GIT2: variants seen among roughly 807,000 people sequenced by gnomAD.
GIT2 encodes the protein ARF GTPase-activating protein GIT2.
In GIT2, 32 loss-of-function variants were observed where a neutral mutation model predicts 100.3. That is an observed-to-expected ratio of 0.32 (90% confidence interval 0.24 to 0.43). GIT2 has a LOEUF of 0.43. Ranked by LOEUF, GIT2 falls within the 20% of genes least tolerant of loss-of-function variation. GIT2 has a pLI of 1.00. For missense variants in GIT2, 737 were observed against 975.1 expected (o/e 0.76, Z 3.25); for synonymous variants, 353 against 364.1 (o/e 0.97, Z 0.35).
rs573172445 is a variant in GIT2 at position 109,956,390 on chromosome 12, T to C, written c.1100-3156A>G. ...GAAAAGCACACAAATATGACTAACA[T>C]GGCACTAAATAGACCACAGACACTT... On this transcript the variant is annotated intron_variant, in intron 12 of 19. Coordinates refer to ENST00000355312, the MANE Select transcript of GIT2 (RefSeq NM_057169.5). Among the ~76,000 whole-genome samples, 3 of 152,274 alleles carry C rather than the reference T, an allele frequency of 2.0e-5. No homozygotes were observed. The South Asian group carries it at 6.2e-4, about 32-fold the overall frequency.
At chr12:109,968,630 T>G (rs1883071249) in intron 7 of GIT2, among the ~76,000 whole-genome samples, 2 of 151,748 alleles carry the variant, frequency 1.3e-5, no homozygotes, top group African/African-American at 2.4e-5. Flanking sequence ...TCCACGTTGG[T>G]CAGGCTGGTC....
chr12:109,995,637 T>G (rs910974329), intron 1 of GIT2, among the ~76,000 whole-genome samples: 1 of 152,076 alleles, frequency 6.6e-6, no homozygotes, highest in African/African-American at 2.4e-5. Context: ...AAGTGCTGGT[T>G]GTGTTTGGAA....
chr12:109,985,237 G>A (rs556269513), intron 4 of GIT2, among the ~76,000 whole-genome samples: 1 of 152,106 alleles, frequency 6.6e-6, no homozygotes, highest in African/African-American at 2.4e-5. Context: ...CAAGTAGCTA[G>A]TATTACAGGG....
At chr12:109,980,242 CTT>C (rs1886039575) in intron 7 of GIT2, among the ~76,000 whole-genome samples, 1 of 152,012 alleles carries the variant, frequency 6.6e-6, no homozygotes, top group African/African-American at 2.4e-5. Context: ...TTTTAAAAAA[CTT>C]TTTTGTGGAG....
chr12:109,952,885 A>G (rs781297092), intron 13 of GIT2: 7 of 595,238 alleles, frequency 1.2e-5, no homozygotes, highest in African/African-American at 1.9e-5. Context: ...AAACACACCA[A>G]TCACTCCTCA....
chr12:109,989,902 C>G, intron 2 of GIT2, 100 bp from the exon 3 acceptor site: 1 of 715,292 alleles, frequency 1.4e-6, no homozygotes, highest in South Asian at 1.5e-5. Flanking sequence ...GTTATAAACA[C>G]TCATTTGTTA....
intron 11 of GIT2, among the ~76,000 whole-genome samples, chr12:109,960,422 G>T (rs1207909489): frequency 6.6e-6 from 1 of 151,922 alleles, no homozygotes; most frequent in Non-Finnish European, 1.5e-5. Flanking sequence ...TCAGGACTTT[G>T]TACAAAAATT....
At chr12:109,967,412 A>C (rs1882769248) in intron 8 of GIT2, 46 bp downstream of exon 8, 5 of 1,515,628 alleles carry the variant, frequency 3.3e-6, no homozygotes, top group Non-Finnish European at 4.6e-6. Context: ...ACAACCAAGG[A>C]AATATTAGCG....
At chr12:109,991,415 T>C (rs527403122) in intron 2 of GIT2, among the ~76,000 whole-genome samples, 313 of 152,294 alleles carry the variant, frequency 2.1e-3, no homozygotes, top group Non-Finnish European at 3.8e-3. Flanking sequence ...ATTGAGCTTG[T>C]TGAACAAGAT....
chr12:109,964,034 C>T (rs1354297010), intron 9 of GIT2, among the ~76,000 whole-genome samples: 2 of 152,226 alleles, frequency 1.3e-5, no homozygotes, highest in Non-Finnish European at 2.9e-5. Context: ...AGAGATATTA[C>T]AAGCATAATC....
chr12:109,932,352 C>T lies in GIT2; in HGVS notation c.*626G>A, dbSNP rs1391631367. On this transcript the variant is annotated 3_prime_UTR_variant, in exon 20 of 20. Coordinates refer to ENST00000355312, the MANE Select transcript of GIT2 (RefSeq NM_057169.5). Reference sequence around the variant, plus strand: ...ACAAGAAAACATCAAGAGATAGGAGCTTGAGATAACAACATTAAATAACAG... The same window carrying T: ...ACAAGAAAACATCAAGAGATAGGAGTTTGAGATAACAACATTAAATAACAG... 1.3e-5 allele frequency: 2 copies of T among 152,386 alleles called. No homozygotes were observed. Among genetic ancestry groups the T allele is most frequent in the Non-Finnish European group, 2.9e-5 (2 of 68,252 alleles). 9.4% of individuals were successfully genotyped at this position (152,386 alleles called of 1,614,324 possible).
rs576346412 is a variant in GIT2, at chr12:109,988,613, G to A, written c.405+350C>T. 2.4e-4 allele frequency among the ~76,000 whole-genome samples: 37 copies of A among 152,178 alleles called. No homozygotes were observed. The South Asian group carries it at 7.5e-3, about 31-fold the overall frequency. ...CTCACGCTTGCAATCCCAACACTAG[G>A]AGGCCGAGGCAGACGGATCACCTGA... On this transcript the variant is annotated intron_variant, in intron 4 of 19. Coordinates refer to ENST00000355312, the MANE Select transcript of GIT2 (RefSeq NM_057169.5).
chr12:109,939,015 T>A, intron 17 of GIT2, 150 bp downstream of exon 17: 1 of 636,228 alleles, frequency 1.6e-6, no homozygotes, highest in South Asian at 1.8e-5. Context: ...ACATGTAAAC[T>A]ACGAGCGTAT....
At position 109,989,500 on chromosome 12, in the gene GIT2, G is replaced by T. The variant is rs138220935; in HGVS notation, c.299+190C>A. 4.2e-3 allele frequency among the ~76,000 whole-genome samples: 645 copies of T among 152,178 alleles called. 10 individuals carry two copies. The highest frequency in any genetic ancestry group is 0.015 in the African/African-American group (620 of 41,498). ...CTGAGGAAGCCACTTACTCCTGCTG[G>T]GTGGCCATGCTAAACAGATGGTCCT... On this transcript the variant is annotated intron_variant, in intron 3 of 19. Transcript: ENST00000355312.
chr12:109,941,735 G>T (rs1874773220), intron 16 of GIT2, among the ~76,000 whole-genome samples: 1 of 151,832 alleles, frequency 6.6e-6, no homozygotes, highest in Admixed American at 6.6e-5. Flanking sequence ...TGGTTAGGCT[G>T]GTCTCAAACT....
intron 7 of GIT2, among the ~76,000 whole-genome samples, chr12:109,972,761 C>T (rs1884207417): frequency 6.6e-6 from 1 of 152,128 alleles, no homozygotes; most frequent in Non-Finnish European, 1.5e-5. Context: ...CTGCACCTGG[C>T]CTGATTTTCA....
chr12:109,940,746 A>T (rs1174994779), intron 16 of GIT2, among the ~76,000 whole-genome samples: 1 of 151,952 alleles, frequency 6.6e-6, no homozygotes, highest in East Asian at 1.9e-4. Flanking sequence ...TGGGTGTGGT[A>T]GTGCACACCT....
intron 9 of GIT2, among the ~76,000 whole-genome samples, chr12:109,963,877 T>C (rs1448965583): frequency 1.3e-5 from 2 of 152,126 alleles, no homozygotes; most frequent in African/African-American, 4.8e-5. Flanking sequence ...CTTATCTCCC[T>C]CTTCTATGAG....
At position 109,961,321 on chromosome 12, in the gene GIT2, G is replaced by A. The variant is rs772757826; in HGVS notation, c.944C>T (p.Pro315Leu). 1.2e-6 allele frequency: 2 copies of A among 1,613,602 alleles called. No homozygotes were observed. Among genetic ancestry groups the A allele is most frequent in the East Asian group, 2.2e-5 (1 of 44,882 alleles). The change falls in exon 11 of 20, where the codon CCC becomes CTC. Residue 315 changes from proline to leucine, a missense_variant. Pro to Leu is a moderately conservative substitution (Grantham distance 98, BLOSUM62 -3). Transcript: ENST00000355312. ...SALVTETTVVPFLPVNPEYSS... is the reference protein window; with the variant it reads ...SALVTETTVVLFLPVNPEYSS... ...GTACTCAGGATTGACCGGAAGAAAGGGGACGACCGTTGTCTCGGTTACCAG... is the reference window on the plus strand; with the variant it reads ...GTACTCAGGATTGACCGGAAGAAAGAGGACGACCGTTGTCTCGGTTACCAG...
Sources: allele counts gnomAD v4.1 joint callset (sites outside exome capture counted in the v4.1 genomes callset), GRCh38; gene constraint gnomAD v4.1.1; transcripts MANE v1.5; gene names NCBI Gene and HGNC (gene_info 2026-07-23, HGNC 2026-07-21).